The following NKAIN2 variants were observed in gnomAD, a reference collection of about 807,000 sequenced individuals.
The protein encoded by NKAIN2 is sodium/potassium-transporting ATPase subunit beta-1-interacting protein 2.
NKAIN2 carries 14 observed loss-of-function variants against 32.6 expected under a neutral mutation model. The ratio of observed to expected loss-of-function variants is 0.43; its 90% CI spans 0.28 to 0.67. The LOEUF (loss-of-function observed/expected upper bound fraction) is 0.67. Among genes scored for constraint, NKAIN2 ranks in the 30% least tolerant of loss-of-function variants. NKAIN2 has a pLI of 0.17. For synonymous variants in NKAIN2, 80 were observed against 87.2 expected, an observed-to-expected ratio of 0.92 and a Z score of 0.46; for missense variants, 198 against 258.3, an observed-to-expected ratio of 0.77 and a Z score of 1.60.
chr6:123,905,920 A>G (rs1183990061), intron 1 of NKAIN2, among the ~76,000 whole-genome samples: 1 of 152,178 alleles, frequency 6.6e-6, no homozygotes, highest in Admixed American at 6.5e-5. Context: ...GTGTTAGTTT[A>G]GTGTGTATGT....
intron 3 of NKAIN2, among the ~76,000 whole-genome samples, chr6:124,379,178 AAG>A (rs1800138337): frequency 2.5e-4 from 1 of 4,070 alleles, no homozygotes; most frequent in Non-Finnish European, 4.8e-4. Flanking sequence ...GGAGGGAGGG[AAG>A]AGGAGGGGAG....
At chr6:124,267,230 C>A (rs1379766328) in intron 1 of NKAIN2, among the ~76,000 whole-genome samples, 1 of 152,088 alleles carries the variant, frequency 6.6e-6, no homozygotes, top group African/African-American at 2.4e-5. Context: ...TTATCTATGA[C>A]AAGAAAATTG....
chr6:124,655,183 G>A (rs1784497252), intron 3 of NKAIN2, among the ~76,000 whole-genome samples: 1 of 152,048 alleles, frequency 6.6e-6, no homozygotes, highest in South Asian at 2.1e-4. Context: ...AGAAGAGATT[G>A]TCTTTCTTGG....
In NKAIN2 at chr6:124,825,485, C is replaced by T. The variant is rs1166840405; in HGVS notation, c.*2256C>T. On this transcript the variant is annotated 3_prime_UTR_variant, in exon 7 of 7. Transcript: ENST00000368417. ...AAGAATGCTATTTTTCTAGGCTGAG[C>T]TTTTGTTATAAACTTAATATTCAGA... 1 of 152,478 alleles carries T rather than the reference C, an allele frequency of 6.6e-6. No homozygotes were observed. Among genetic ancestry groups the T allele is most frequent in the Non-Finnish European group, 1.5e-5 (1 of 68,008 alleles). 9.4% of individuals were successfully genotyped at this position (152,478 alleles called of 1,614,324 possible).
intron 3 of NKAIN2, among the ~76,000 whole-genome samples, chr6:124,518,302 A>G (rs1025258623): frequency 2.0e-5 from 3 of 151,620 alleles, no homozygotes; most frequent in Non-Finnish European, 2.9e-5. Flanking sequence ...TAAAAAAAAA[A>G]AAAAAGATAG....
At chr6:123,947,954 A>G (rs1242405954) in intron 1 of NKAIN2, among the ~76,000 whole-genome samples, 1 of 152,052 alleles carries the variant, frequency 6.6e-6, no homozygotes, top group African/African-American at 2.4e-5. Flanking sequence ...GGTATCTCTT[A>G]TTGTCTACCT....
At chr6:124,055,538 CT>C (rs1352675337) in intron 1 of NKAIN2, among the ~76,000 whole-genome samples, 1 of 151,952 alleles carries the variant, frequency 6.6e-6, no homozygotes, top group Non-Finnish European at 1.5e-5. Context: ...GAACTCCATT[CT>C]TTTGTCCTCA....
At chr6:124,180,998 GTTCTCCA>G (rs1789418679) in intron 1 of NKAIN2, among the ~76,000 whole-genome samples, 1 of 152,214 alleles carries the variant, frequency 6.6e-6, no homozygotes, top group African/African-American at 2.4e-5. Flanking sequence ...CCTAGCAGAG[GTTCTCCA>G]TGAAGGTTCT....
chr6:123,942,657 C>G (rs140802954), intron 1 of NKAIN2, among the ~76,000 whole-genome samples: 1 of 151,878 alleles, frequency 6.6e-6, no homozygotes, highest in East Asian at 1.9e-4. Context: ...TTTTGTTGGC[C>G]AAAGCTGAAG....
rs911045512 is a variant in NKAIN2 at position 124,800,137 on chromosome 6, A to G, written c.535+8738A>G. On this transcript the variant is annotated intron_variant, in intron 5 of 6. Transcript: ENST00000368417. ...AAATCAGAGACATGCTGAGAAGATGACATTCAAAGTTAGTCTCTTGACGAA... is the reference window on the plus strand; with the variant it reads ...AAATCAGAGACATGCTGAGAAGATGGCATTCAAAGTTAGTCTCTTGACGAA... 2.0e-5 allele frequency among the ~76,000 whole-genome samples: 3 copies of G among 152,230 alleles called. No individual in the cohort carries two copies. In the South Asian group the frequency reaches 6.2e-4, roughly 31 times the overall value.
intron 4 of NKAIN2, among the ~76,000 whole-genome samples, chr6:124,717,486 T>C (rs1201369087): frequency 6.6e-6 from 1 of 152,188 alleles, no homozygotes; most frequent in Non-Finnish European, 1.5e-5. Flanking sequence ...TGAGTTCAAA[T>C]AACTTTTGGC....
intron 4 of NKAIN2, among the ~76,000 whole-genome samples, chr6:124,757,282 G>A (rs560835697): frequency 3.9e-5 from 6 of 152,198 alleles, no homozygotes; most frequent in African/African-American, 1.4e-4. Context: ...TTGTTGAACA[G>A]ATATAGATTT....
chr6:124,107,231 G>A (rs1785165171), intron 1 of NKAIN2, among the ~76,000 whole-genome samples: 1 of 152,172 alleles, frequency 6.6e-6, no homozygotes, highest in Admixed American at 6.5e-5. Flanking sequence ...TACCCGCAGA[G>A]CTTTGCAAAT....
intron 4 of NKAIN2, among the ~76,000 whole-genome samples, chr6:124,690,012 G>T (rs1416278704): frequency 1.3e-5 from 2 of 152,034 alleles, no homozygotes; most frequent in African/African-American, 2.4e-5. Flanking sequence ...ATTTCTATTT[G>T]AATTGCATTG....
chr6:124,517,080 G>T (rs1017207784), intron 3 of NKAIN2, among the ~76,000 whole-genome samples: 1 of 152,024 alleles, frequency 6.6e-6, no homozygotes, highest in Non-Finnish European at 1.5e-5. Flanking sequence ...ATATGTCTTG[G>T]GAGGCTTATC....
intron 5 of NKAIN2, among the ~76,000 whole-genome samples, chr6:124,804,810 G>A (rs542110678): frequency 3.9e-4 from 59 of 152,292 alleles, no homozygotes; most frequent in Admixed American, 3.0e-3. Flanking sequence ...CTTTTTTAAC[G>A]GGCTTAAAAA....
At chr6:124,284,233 C>T (rs1293502340) in intron 2 of NKAIN2, among the ~76,000 whole-genome samples, 7 of 152,100 alleles carry the variant, frequency 4.6e-5, no homozygotes, top group African/African-American at 1.4e-4. Flanking sequence ...TTTTTTAATG[C>T]ACAAGATATG....
chr6:124,352,856 G>A (rs897487284), intron 2 of NKAIN2, among the ~76,000 whole-genome samples: 5 of 152,100 alleles, frequency 3.3e-5, no homozygotes, highest in Admixed American at 6.5e-5. Context: ...TCTAGACCCA[G>A]CCCTCAACTC....
chr6:124,582,522 A>G (rs1252146078), intron 3 of NKAIN2, among the ~76,000 whole-genome samples: 2 of 152,172 alleles, frequency 1.3e-5, no homozygotes, highest in East Asian at 3.8e-4. Flanking sequence ...GCTGAATTTT[A>G]CCAAACATTT....
Sources: gnomAD v4.1 joint callset for allele counts (sites outside exome capture counted in the v4.1 genomes callset) on GRCh38, gnomAD v4.1.1 for gene constraint, MANE v1.5 for transcripts, NCBI Gene and HGNC (gene_info 2026-07-23, HGNC 2026-07-21) for gene names.